The following FAM186A variants were observed in gnomAD, a reference collection of about 807,000 sequenced individuals.
FAM186A encodes protein FAM186A.
A neutral mutation model predicts 216.8 loss-of-function variants in FAM186A; 163 were observed. That is an observed-to-expected ratio of 0.75 (90% CI 0.66 to 0.86). The LOEUF (loss-of-function observed/expected upper bound fraction) is 0.86. Among genes scored for constraint, FAM186A ranks in the 40% least tolerant of loss-of-function variants. The pLI is 0.00. For missense variants in FAM186A, 2,184 were observed against 2,746.2 expected (o/e 0.80, Z 4.58); for synonymous variants, 805 against 1,025.3 (o/e 0.79, Z 4.10).
intron 2 of FAM186A, among the ~76,000 whole-genome samples, chr12:50,361,277 C>T (rs1214079394): frequency 6.6e-6 from 1 of 152,238 alleles, no homozygotes; most frequent in Non-Finnish European, 1.5e-5. Flanking sequence ...CCACTCACTG[C>T]AACCTCTGCC....
At chr12:50,342,867 G>T (rs950529333) in intron 4 of FAM186A, among the ~76,000 whole-genome samples, 6 of 151,532 alleles carry the variant, frequency 4.0e-5, no homozygotes, top group African/African-American at 1.5e-4. Context: ...GAACTCCTGG[G>T]CTCAAGCAGT....
intron 4 of FAM186A, among the ~76,000 whole-genome samples, chr12:50,336,993 T>G (rs1278125320): frequency 6.6e-6 from 1 of 151,900 alleles, no homozygotes; most frequent in Non-Finnish European, 1.5e-5. Flanking sequence ...AAAGAATAAT[T>G]CTTAGCTCTT....
intron 1 of FAM186A, among the ~76,000 whole-genome samples, chr12:50,368,365 A>C (rs1943110871): frequency 6.6e-6 from 1 of 152,014 alleles, no homozygotes; most frequent in Admixed American, 6.6e-5. Context: ...GCGCCACTGC[A>C]TTCCAGCCTG....
chr12:50,353,060 T>C lies in FAM186A; in HGVS notation c.3772A>G (p.Lys1258Glu), dbSNP rs1428760655. Residue 1258 changes from lysine to glutamate, a missense_variant, in exon 4 of 8, where the codon AAG (lysine) becomes GAG (glutamate). Coordinates refer to ENST00000327337, the MANE Select transcript of FAM186A (RefSeq NM_001145475.3). ...AQALGITLTP[K>E]QVQELGIPLT... is the part of the protein sequence containing the mutation. ...GGGATCCCCAGTTCCTGAACCTGCT[T>C]AGGGGTGAGAGTGATTCCGAGAGCC... 8.1e-7 allele frequency: 1 copy of C among 1,229,164 alleles called. No individual in the cohort carries two copies. The highest frequency in any genetic ancestry group is 1.0e-6 in the Non-Finnish European group (1 of 962,388). 76.1% of individuals were successfully genotyped at this position (1,229,164 alleles called of 1,614,324 possible). A position where few individuals can be genotyped will look rare whatever the true frequency, so the allele number is the denominator to read the frequency against.
In FAM186A at chr12:50,355,771, G is replaced by T. The variant is rs74090114; in HGVS notation, c.1061C>A (p.Pro354His). ...CCTGGATGACTGTGGAGAAGGTCCA[G>T]GTAACACTTTCAAGGTTGATGATGT... is the stretch of plus-strand genomic sequence containing the variant. The part of the protein sequence containing the change: ...LSTSSTLKVL[P>H]GPSPQSSRAI... Residue 354 changes from proline (P) to histidine (H), a missense_variant, in exon 4 of 8, where the codon CCT (proline) becomes CAT (histidine). Transcript: ENST00000327337. 0.045 allele frequency: 70,256 copies of T among 1,551,464 alleles called. 6,468 individuals carry two copies. The highest frequency in any genetic ancestry group is 0.36 in the East Asian group (14,908 of 40,890).
intron 1 of FAM186A, among the ~76,000 whole-genome samples, chr12:50,387,884 A>G (rs1298516027): frequency 6.6e-6 from 1 of 152,182 alleles, no homozygotes; most frequent in African/African-American, 2.4e-5. Flanking sequence ...GCTGCTTTTC[A>G]TTAAAAAGAA....
Position 50,351,797 on chromosome 12 carries a change from GT to G in FAM186A, c.5034del (p.Glu1678AspfsTer8). 6.5e-7 allele frequency: 1 copy of G among 1,549,310 alleles called. No individual in the cohort carries two copies. Among genetic ancestry groups the G allele is most frequent in the Non-Finnish European group, 8.7e-7 (1 of 1,145,716 alleles). On this transcript the variant is annotated frameshift_variant, in exon 4 of 8. Coordinates refer to ENST00000327337, the MANE Select transcript of FAM186A (RefSeq NM_001145475.3). LOFTEE classifies it high-confidence loss of function. The part of the protein sequence containing the change: ...THALESPMNL[E>X]QAQEQLLKLG... ...AACTTCAATAACTGTTCTTGAGCCTGTTCTAAGTTCATAGGGGACTCCAAAG... is the reference window on the plus strand; with the variant it reads ...AACTTCAATAACTGTTCTTGAGCCTGTCTAAGTTCATAGGGGACTCCAAAG...
chr12:50,374,989 C>T (rs1043252600), intron 1 of FAM186A, among the ~76,000 whole-genome samples: 1 of 152,006 alleles, frequency 6.6e-6, no homozygotes, highest in Non-Finnish European at 1.5e-5. Flanking sequence ...ACCAGACTGG[C>T]CAACATGACG....
chr12:50,373,180 C>T (rs1400531261), intron 1 of FAM186A, among the ~76,000 whole-genome samples: 2 of 151,950 alleles, frequency 1.3e-5, no homozygotes, highest in African/African-American at 2.4e-5. Context: ...GGGCATATCA[C>T]GAGGTCAGGA....
intron 4 of FAM186A, among the ~76,000 whole-genome samples, chr12:50,341,424 C>G (rs1329996191): frequency 6.6e-6 from 1 of 152,022 alleles, no homozygotes; most frequent in African/African-American, 2.4e-5. Flanking sequence ...TGAATTGATC[C>G]TCGATGGGAT....
chr12:50,361,785 G>T (rs934307074), intron 2 of FAM186A, among the ~76,000 whole-genome samples: 1 of 151,296 alleles, frequency 6.6e-6, no homozygotes, highest in African/African-American at 2.4e-5. Flanking sequence ...TGGCCAGGCT[G>T]GTCTCAAACT....
At position 50,351,118 on chromosome 12, in the gene FAM186A, G is replaced by T; in HGVS notation, c.5714C>A (p.Thr1905Asn). The change falls in exon 4 of 8, where the codon ACC becomes AAC. Residue 1905 changes from threonine to asparagine, a missense_variant. Transcript: ENST00000327337. ...EQSPYLQAPSTPGQHLATWTL... is the reference protein window; with the variant it reads ...EQSPYLQAPSNPGQHLATWTL... ...CCATGTTGCCAGATGCTGCCCAGGG[G>T]TAGAAGGAGCCTGCAGATAGGGAGA... The T allele has an allele frequency of 6.4e-7, 1 of 1,551,586 alleles. No homozygotes were observed. Among genetic ancestry groups the T allele is most frequent in the South Asian group, 1.2e-5 (1 of 84,064 alleles).
chr12:50,350,267 T>G, intron 4 of FAM186A, 62 bp downstream of exon 4: 1 of 1,369,988 alleles, frequency 7.3e-7, no homozygotes, highest in Non-Finnish European at 9.8e-7. Flanking sequence ...TCTGGGACAA[T>G]GACAGAAAAT....
Position 50,354,565 on chromosome 12 carries a change from A to G in FAM186A, c.2267T>C (p.Val756Ala). The G allele has an allele frequency of 6.4e-7, 1 of 1,551,336 alleles. No individual in the cohort carries two copies. Among genetic ancestry groups the G allele is most frequent in the Non-Finnish European group, 8.7e-7 (1 of 1,146,938 alleles). ...GEKPIKQKKV[V>A]SFMPGLHFQK... ...AAAATGCAATCCTGGCATAAATGAG[A>G]CTACCTTTTTTTGTTTTATAGGTTT... is the stretch of plus-strand genomic sequence containing the variant. The change falls in exon 4 of 8, where the codon GTC (valine) becomes GCC (alanine). Residue 756 changes from valine to alanine, a missense_variant. Coordinates refer to ENST00000327337, the MANE Select transcript of FAM186A (RefSeq NM_001145475.3).
chr12:50,389,592 T>C (rs1282804735), intron 1 of FAM186A, among the ~76,000 whole-genome samples: 1 of 152,216 alleles, frequency 6.6e-6, no homozygotes, highest in Admixed American at 6.5e-5. Flanking sequence ...AGACCGAAGC[T>C]GTATCGCTGG....
At chr12:50,387,189 C>G (rs895349945) in intron 1 of FAM186A, among the ~76,000 whole-genome samples, 3 of 152,164 alleles carry the variant, frequency 2.0e-5, no homozygotes, top group Admixed American at 2.0e-4. Context: ...CACTCAGACA[C>G]CAGTCACAAA....
At position 50,350,968 on chromosome 12, in the gene FAM186A, CT is replaced by C; in HGVS notation, c.5863del (p.Arg1955AspfsTer8). 1 of 1,551,488 alleles carries C rather than the reference CT, an allele frequency of 6.4e-7. No homozygotes were observed. Among genetic ancestry groups the C allele is most frequent in the Non-Finnish European group, 8.7e-7 (1 of 1,146,928 alleles). ...TTTCAGAGAAGAAATAATTGCCAAT[CT>C]TTTCTTAGCAACAGAAGGGGACCAA... is the stretch of plus-strand genomic sequence containing the variant. ...KSWSPSVAKK[R>X]LAIISSLKSK... On this transcript the variant is annotated frameshift_variant, in exon 4 of 8. Coordinates refer to ENST00000327337, the MANE Select transcript of FAM186A (RefSeq NM_001145475.3). LOFTEE classifies it high-confidence loss of function.
At chr12:50,330,116 A>T (rs1942642223) in intron 7 of FAM186A, among the ~76,000 whole-genome samples, 1 of 152,206 alleles carries the variant, frequency 6.6e-6, no homozygotes. Context: ...AGATTTTGGA[A>T]ATGTGGAGTC....
At position 50,334,142 on chromosome 12, in the gene FAM186A, C is replaced by T. The variant is rs555337662; in HGVS notation, c.6504-39G>A. The T allele has an allele frequency of 2.8e-6, 4 of 1,439,838 alleles. No individual in the cohort carries two copies. The South Asian group carries it at 5.6e-5, about 20-fold the overall frequency. 89.2% of individuals were successfully genotyped at this position (1,439,838 alleles called of 1,614,324 possible). A position where few individuals can be genotyped will look rare whatever the true frequency, so the allele number is the denominator to read the frequency against. On this transcript the variant is annotated intron_variant, in intron 4 of 7. Transcript: ENST00000327337. ...ATAAAAATTAGAGCGATAATAGTTG[C>T]AGACCCTACTTCAACAAACTTGTCC... is the stretch of plus-strand genomic sequence containing the variant.
Sources: gnomAD v4.1 joint callset for allele counts (sites outside exome capture counted in the v4.1 genomes callset) on GRCh38, gnomAD v4.1.1 for gene constraint, MANE v1.5 for transcripts, NCBI Gene and HGNC (gene_info 2026-07-23, HGNC 2026-07-21) for gene names.